PREPL: variants seen among roughly 807,000 people sequenced by gnomAD.
The protein encoded by PREPL is prolyl endopeptidase like, also known as prolyl endopeptidase-like.
A neutral mutation model predicts 70.6 loss-of-function variants in PREPL; 77 were observed. The ratio of observed to expected loss-of-function variants is 1.09; its 90% CI spans 0.91 to 1.32. The LOEUF (loss-of-function observed/expected upper bound fraction) is 1.32, where lower values mean the gene tolerates loss of function less well. Ranked by LOEUF, PREPL falls within the 40% of genes most tolerant of loss-of-function variation. PREPL has a pLI of 0.00. For synonymous variants in PREPL, 315 were observed against 264.8 expected (o/e 1.19, Z -1.84); for missense variants, 1,002 against 778.2 (o/e 1.29, Z -3.42).
At chr2:44,345,230 T>C (rs1254322406) in intron 2 of PREPL, among the ~76,000 whole-genome samples, 1 of 152,256 alleles carries the variant, frequency 6.6e-6, no homozygotes, top group Non-Finnish European at 1.5e-5. Context: ...TATTATCTGT[T>C]AGTTGGTGGC....
In PREPL at chr2:44,320,182, CTTT is replaced by C. The variant is rs1558478193; in HGVS notation, c.*1171_*1173del. 7 of 1,599,664 alleles carry C rather than the reference CTTT, an allele frequency of 4.4e-6. No individual in the cohort carries two copies. The highest frequency in any genetic ancestry group is 4.5e-5 in the East Asian group (2 of 44,732). ...TTAGAATCAAACACTTACGTAAATA[CTTT>C]TTTAAAAAAATAGGTCCAAAAGACT... On this transcript the variant is annotated 3_prime_UTR_variant, in exon 14 of 14. Transcript: ENST00000409411.
In PREPL at chr2:44,323,249, T is replaced by C. The variant is rs772363126; in HGVS notation, c.1629+13A>G. ...TAAATTCAGGATAATCTAACACAAT[T>C]GTCTTTCACTACCTGAGGTTTAATA... On this transcript the variant is annotated intron_variant, in intron 11 of 13. Coordinates refer to ENST00000409411, the MANE Select transcript of PREPL (RefSeq NM_001171613.2). 6.3e-7 allele frequency: 1 copy of C among 1,580,228 alleles called. No individual in the cohort carries two copies. The highest frequency in any genetic ancestry group is 8.6e-7 in the Non-Finnish European group (1 of 1,164,916).
rs958296883 is a variant in PREPL, at chr2:44,319,185, A to G, written c.*2171T>C. On this transcript the variant is annotated 3_prime_UTR_variant, in exon 14 of 14. Coordinates refer to ENST00000409411, the MANE Select transcript of PREPL (RefSeq NM_001171613.2). Reference sequence around the variant, plus strand: ...AATTATTTAAAGACCACATATTGGGAACCTACCCCTAAAGAACAATAACAA... The same window carrying G: ...AATTATTTAAAGACCACATATTGGGGACCTACCCCTAAAGAACAATAACAA... 6.6e-6 allele frequency: 1 copy of G among 152,652 alleles called. No homozygotes were observed. 9.5% of individuals were successfully genotyped at this position (152,652 alleles called of 1,614,324 possible).
chr2:44,335,704 C>A (rs1235743262), intron 7 of PREPL, among the ~76,000 whole-genome samples: 1 of 151,716 alleles, frequency 6.6e-6, no homozygotes, highest in Non-Finnish European at 1.5e-5. Flanking sequence ...CAACTGGAAA[C>A]TAAAGAGTTC....
At chr2:44,336,560 A>C (rs756795212) in intron 7 of PREPL, among the ~76,000 whole-genome samples, 1 of 152,138 alleles carries the variant, frequency 6.6e-6, no homozygotes, top group Non-Finnish European at 1.5e-5. Flanking sequence ...GTGAGGATTG[A>C]AAAACTACCT....
rs140320980 is a variant in PREPL, at chr2:44,345,216, C to T, written c.76-630G>A. ...TGGTTGATATGATTTCAGTGGCTTA[C>T]GTTTATTATCTGTTAGTTGGTGGCG... On this transcript the variant is annotated intron_variant, in intron 2 of 13. Transcript: ENST00000409411. 3.4e-3 allele frequency among the ~76,000 whole-genome samples: 514 copies of T among 152,246 alleles called. 2 individuals carry two copies. The highest frequency in any genetic ancestry group is 0.011 in the African/African-American group (471 of 41,534).
At position 44,321,324 on chromosome 2, in the gene PREPL, T is replaced by C. The variant is rs1672919730; in HGVS notation, c.*32A>G. ...GAAGTAAGACTATGAAATATTTCAG[T>C]GTGTTTCCAATTCCCAGTTGAATGC... On this transcript the variant is annotated 3_prime_UTR_variant, in exon 14 of 14. Coordinates refer to ENST00000409411, the MANE Select transcript of PREPL (RefSeq NM_001171613.2). 2 of 1,508,392 alleles carry C rather than the reference T, an allele frequency of 1.3e-6. No individual in the cohort carries two copies. Among genetic ancestry groups the C allele is most frequent in the African/African-American group, 1.4e-5 (1 of 72,490 alleles). The allele number at this position is 1,508,392 out of a possible 1,614,324, so 93.4% of individuals were successfully genotyped here.
intron 8 of PREPL, among the ~76,000 whole-genome samples, chr2:44,329,877 A>T (rs1304817953): frequency 6.6e-6 from 1 of 152,236 alleles, no homozygotes; most frequent in Non-Finnish European, 1.5e-5. Context: ...CACACAAAAA[A>T]GATAAAGAAA....
At chr2:44,322,342 A>G (rs962615656) in intron 12 of PREPL, among the ~76,000 whole-genome samples, 1 of 152,206 alleles carries the variant, frequency 6.6e-6, no homozygotes, top group Admixed American at 6.5e-5. Context: ...TCATGCAGCT[A>G]AACAGTTTGG....
Position 44,329,000 on chromosome 2 carries a change from T to A in PREPL, c.1199A>T (p.Asn400Ile). Residue 400 changes from asparagine (N) to isoleucine (I), a missense_variant, in exon 9 of 14, where the codon AAT becomes ATT. Physicochemically the swap from Asn to Ile is moderately radical, Grantham distance 149. Transcript: ENST00000409411. ...CAGGACCCGCCTCTCAGGCCTGAAA[T>A]TCATTTTCAAATCCATTCCATAAGC... Reference protein sequence around the residue: ...YGAYGMDLKMNFRPERRVLVD... With the variant: ...YGAYGMDLKMIFRPERRVLVD... 1 of 1,614,122 alleles carries A rather than the reference T, an allele frequency of 6.2e-7. No homozygotes were observed. Among genetic ancestry groups the A allele is most frequent in the Non-Finnish European group, 8.5e-7 (1 of 1,179,992 alleles).
chr2:44,320,729 C>T lies in PREPL; in HGVS notation c.*627G>A. ...CATGTACAGCATGCTGCTTGGTGAACAATCATTAATTCTTCGATATTTCTG... is the reference window on the plus strand; with the variant it reads ...CATGTACAGCATGCTGCTTGGTGAATAATCATTAATTCTTCGATATTTCTG... On this transcript the variant is annotated 3_prime_UTR_variant, in exon 14 of 14. Transcript: ENST00000409411. 1.0e-6 allele frequency: 1 copy of T among 993,822 alleles called. No individual in the cohort carries two copies. The highest frequency in any genetic ancestry group is 1.8e-5 in the Admixed American group (1 of 56,560). 61.6% of individuals were successfully genotyped at this position (993,822 alleles called of 1,614,324 possible). A position where few individuals can be genotyped will look rare whatever the true frequency, so the allele number is the denominator to read the frequency against.
At chr2:44,334,952 T>G (rs1279372946) in intron 7 of PREPL, among the ~76,000 whole-genome samples, 1 of 152,188 alleles carries the variant, frequency 6.6e-6, no homozygotes, top group Non-Finnish European at 1.5e-5. Flanking sequence ...ACGCTATGGT[T>G]AAAGATTTTG....
chr2:44,347,496 C>A (rs543954597), intron 1 of PREPL, among the ~76,000 whole-genome samples: 1 of 152,216 alleles, frequency 6.6e-6, no homozygotes, highest in Non-Finnish European at 1.5e-5. Context: ...TAAGCATTCA[C>A]TGTGTCTTAT....
chr2:44,358,639 A>G (rs1001472535), intron 1 of PREPL, among the ~76,000 whole-genome samples: 2 of 152,110 alleles, frequency 1.3e-5, no homozygotes, highest in African/African-American at 4.8e-5. Context: ...CACAGGGACA[A>G]CAGGTGTAGG....
At chr2:44,361,682 T>C, upstream of PREPL, 1 of 314,516 alleles carries the variant, frequency 3.2e-6, no homozygotes, top group Admixed American at 5.0e-5. Flanking sequence ...CGTTCTTCGC[T>C]AGTCTTCTGA....
intron 1 of PREPL, among the ~76,000 whole-genome samples, chr2:44,352,520 C>T (rs1303190384): frequency 2.0e-5 from 3 of 152,124 alleles, no homozygotes; most frequent in Non-Finnish European, 4.4e-5. Context: ...CCTCAGCCTC[C>T]CAAAGTATAT....
At chr2:44,329,150 C>A in intron 8 of PREPL, 38 bp from the exon 9 acceptor site, 1 of 1,502,614 alleles carries the variant, frequency 6.7e-7, no homozygotes, top group South Asian at 1.2e-5. Flanking sequence ...AAAGAAGAGT[C>A]TTTTATAATA....
chr2:44,347,318 G>A, intron 1 of PREPL: 1 of 152,112 alleles, frequency 6.6e-6, no homozygotes, highest in East Asian at 1.9e-4. Flanking sequence ...CATGCAGAGT[G>A]AGACCCTGTC....
chr2:44,321,066 G>T lies in PREPL; in HGVS notation c.*290C>A. 4.8e-6 allele frequency: 2 copies of T among 414,086 alleles called. No homozygotes were observed. Among genetic ancestry groups the T allele is most frequent in the South Asian group, 2.9e-5 (1 of 34,298 alleles). The allele number at this position is 414,086 out of a possible 1,614,324, so 25.7% of individuals were successfully genotyped here. On this transcript the variant is annotated 3_prime_UTR_variant, in exon 14 of 14. Transcript: ENST00000409411. ...ACTGCTCAACTGTTCTGACTGGAAG[G>T]GAGGCCTGGAGCTCTGCTATCACCA...
Sources: allele counts gnomAD v4.1 joint callset (sites outside exome capture counted in the v4.1 genomes callset), GRCh38; gene constraint gnomAD v4.1.1; transcripts MANE v1.5; gene names NCBI Gene and HGNC (gene_info 2026-07-23, HGNC 2026-07-21).